Variants in CARD6 observed in about 807,000 individuals in gnomAD.
CARD6 encodes the protein caspase recruitment domain family member 6.
A neutral mutation model predicts 23.6 loss-of-function variants in CARD6; 27 were observed. The ratio of observed to expected loss-of-function variants is 1.14; its 90% CI spans 0.84 to 1.58. CARD6 has a LOEUF of 1.58. Among genes scored for constraint, CARD6 ranks in the 40% most tolerant of loss-of-function variants. The probability of loss-of-function intolerance (pLI) is 0.00; values close to 1 mark genes in which losing one functional copy is unlikely to be tolerated. For missense variants in CARD6, 1,214 were observed against 1,209.9 expected, an observed-to-expected ratio of 1.00 and a Z score of -0.05; for synonymous variants, 397 against 431.8, an observed-to-expected ratio of 0.92 and a Z score of 1.00.
At chr5:40,845,472 A>G (rs933327112) in intron 2 of CARD6, among the ~76,000 whole-genome samples, 18 of 152,194 alleles carry the variant, frequency 1.2e-4, no homozygotes, top group African/African-American at 4.3e-4. Context: ...TTTGTAAGGG[A>G]CATAATTCAA....
intron 2 of CARD6, among the ~76,000 whole-genome samples, chr5:40,850,706 G>A (rs1363099708): frequency 8.3e-6 from 1 of 119,836 alleles, no homozygotes; most frequent in African/African-American, 3.1e-5. Flanking sequence ...TGGTGACAGA[G>A]TGAGACTCCG....
rs1287963779 is a variant in CARD6 at position 40,852,197 on chromosome 5, G to T, written c.865G>T (p.Val289Phe). Residue 289 changes from valine to phenylalanine, a missense_variant, in exon 3 of 3, where the codon GTC (valine) becomes TTC (phenylalanine). By Grantham distance (50) the Val-to-Phe change is conservative. Transcript: ENST00000254691. ...IEERKKVFKD[V>F]LLCLNMDRSR... ...AGAAAGAAAAAAGGTGTTTAAAGATGTCCTGTTATGTTTGAACATGGATAG... is the reference window on the plus strand; with the variant it reads ...AGAAAGAAAAAAGGTGTTTAAAGATTTCCTGTTATGTTTGAACATGGATAG... 1 of 1,611,066 alleles carries T rather than the reference G, an allele frequency of 6.2e-7. No homozygotes were observed. Among genetic ancestry groups the T allele is most frequent in the African/African-American group, 1.3e-5 (1 of 74,930 alleles).
At position 40,843,294 on chromosome 5, in the gene CARD6, G is replaced by C. The variant is rs1230567324; in HGVS notation, c.426G>C (p.Leu142Phe). The change falls in exon 2 of 3, where the codon TTG becomes TTC. Residue 142 changes from leucine (L) to phenylalanine (F), a missense_variant. Coordinates refer to ENST00000254691, the MANE Select transcript of CARD6 (RefSeq NM_032587.4). ...VFFSEKEHLD[L>F]ETSEFFRDKK... ...TCAGTGAGAAGGAACACTTGGATTT[G>C]GAAACCTCTGAGTTTTTCAGGGACA... The C allele has an allele frequency of 1.9e-6, 3 of 1,613,984 alleles. No homozygotes were observed. The East Asian group carries it at 6.7e-5, about 36-fold the overall frequency.
At chr5:40,845,456 A>T (rs2112169540) in intron 2 of CARD6, among the ~76,000 whole-genome samples, 1 of 152,270 alleles carries the variant, frequency 6.6e-6, no homozygotes, top group South Asian at 2.1e-4. Context: ...ATTTCAACAT[A>T]TGAATTTTGT....
At position 40,852,375 on chromosome 5, in the gene CARD6, A is replaced by G. The variant is rs558509923; in HGVS notation, c.1043A>G (p.Lys348Arg). The change falls in exon 3 of 3, where the codon AAG (lysine) becomes AGG (arginine). Residue 348 changes from lysine to arginine, a missense_variant. Physicochemically the swap from Lys to Arg is conservative, Grantham distance 26. Transcript: ENST00000254691. The stretch of plus-strand genomic sequence containing the variant: ...GCTAGGGATTCAATCCTCAGTCACA[A>G]GGTTCTGGATGAAGATAGCAAGGAG... ...VTARDSILSH[K>R]VLDEDSKEDL... The G allele has an allele frequency of 5.4e-5, 87 of 1,614,130 alleles. No individual in the cohort carries two copies. Among genetic ancestry groups the G allele is most frequent in the Non-Finnish European group, 6.9e-5 (81 of 1,179,996 alleles).
chr5:40,845,806 C>A (rs1579801684), intron 2 of CARD6, among the ~76,000 whole-genome samples: 1 of 151,704 alleles, frequency 6.6e-6, no homozygotes, highest in African/African-American at 2.4e-5. Flanking sequence ...GAACTCCTGG[C>A]CTCAATAATG....
At chr5:40,851,735 G>A (rs1488798272) in intron 2 of CARD6, among the ~76,000 whole-genome samples, 1 of 152,138 alleles carries the variant, frequency 6.6e-6, no homozygotes, top group Non-Finnish European at 1.5e-5. Context: ...AGAATAGCTT[G>A]AACCCAGGAG....
rs751379460 is a variant in CARD6, at chr5:40,853,031, T to A, written c.1699T>A (p.Leu567Met). The A allele has an allele frequency of 3.7e-6, 6 of 1,614,080 alleles. No individual in the cohort carries two copies. In the East Asian group the frequency reaches 1.3e-4, roughly 36 times the overall value. Residue 567 changes from leucine to methionine, a missense_variant, in exon 3 of 3, where the codon TTG becomes ATG. By Grantham distance (15) the Leu-to-Met change is conservative (BLOSUM62 2). Transcript: ENST00000254691. ...TDCLGEKEWD[L>M]LMFLGEAAIE... Reference sequence around the variant, plus strand: ...CTGTTTAGGTGAGAAGGAATGGGACTTGCTAATGTTTTTAGGAGAGGCTGC... The same window carrying A: ...CTGTTTAGGTGAGAAGGAATGGGACATGCTAATGTTTTTAGGAGAGGCTGC...
chr5:40,841,808 A>G (rs1579799118), intron 1 of CARD6, 143 bp downstream of exon 1: 4 of 710,942 alleles, frequency 5.6e-6, no homozygotes, highest in African/African-American at 1.8e-5. Flanking sequence ...TGAAATAGGG[A>G]AAAACTGGAA....
intron 2 of CARD6, among the ~76,000 whole-genome samples, chr5:40,851,944 T>C (rs1332629834): frequency 1.3e-5 from 2 of 149,716 alleles, no homozygotes; most frequent in Non-Finnish European, 3.0e-5. Context: ...CTGGGCAACA[T>C]AGAAAGACCC....
chr5:40,841,569 T>C lies in CARD6; in HGVS notation c.187T>C (p.Leu63=), dbSNP rs1053464852. 16 of 1,614,076 alleles carry C rather than the reference T, an allele frequency of 9.9e-6. No homozygotes were observed. Among genetic ancestry groups the C allele is most frequent in the Admixed American group, 1.7e-5 (1 of 60,012 alleles). Residue 63 remains leucine (L), a synonymous_variant, in exon 1 of 3, where the codon TTG becomes CTG. Coordinates refer to ENST00000254691, the MANE Select transcript of CARD6 (RefSeq NM_032587.4). ...LLKKSRKLLI[L]VQKKGEATCQ... is the part of the protein sequence containing the mutation. ...GAAGAAAAGTCGGAAGCTGTTAATT[T>C]TGGTACAGAAAAAGGGAGAGGCGAC...
At chr5:40,842,778 C>T (rs1745884550) in intron 1 of CARD6, among the ~76,000 whole-genome samples, 1 of 152,188 alleles carries the variant, frequency 6.6e-6, no homozygotes, top group Non-Finnish European at 1.5e-5. Context: ...TGGCTCACAC[C>T]TGTAATCCCA....
At chr5:40,841,705 G>C (rs1028753642) in intron 1 of CARD6, 40 bp downstream of exon 1, 7 of 1,423,220 alleles carry the variant, frequency 4.9e-6, no homozygotes, top group Non-Finnish European at 6.5e-6. Flanking sequence ...GAGAGGAAGG[G>C]GGCAGACTTT....
At chr5:40,850,872 G>T (rs1341025522) in intron 2 of CARD6, among the ~76,000 whole-genome samples, 2 of 151,682 alleles carry the variant, frequency 1.3e-5, no homozygotes, top group African/African-American at 4.8e-5. Flanking sequence ...TCATCCATAG[G>T]CAATTGTTAA....
At chr5:40,850,336 C>A (rs1746040845) in intron 2 of CARD6, among the ~76,000 whole-genome samples, 1 of 145,378 alleles carries the variant, frequency 6.9e-6, no homozygotes, top group Non-Finnish European at 1.5e-5. Flanking sequence ...ATCGCTTGAA[C>A]CCAGGAGGTG....
Position 40,852,614 on chromosome 5 carries a change from G to C in CARD6, c.1282G>C (p.Val428Leu), listed in dbSNP as rs766607266. 6.2e-7 allele frequency: 1 copy of C among 1,614,172 alleles called. No individual in the cohort carries two copies. Among genetic ancestry groups the C allele is most frequent in the South Asian group, 1.1e-5 (1 of 91,086 alleles). Residue 428 changes from valine to leucine, a missense_variant, in exon 3 of 3, where the codon GTG (valine) becomes CTG (leucine). Physicochemically the swap from Val to Leu is conservative, Grantham distance 32 (BLOSUM62 1). Coordinates refer to ENST00000254691, the MANE Select transcript of CARD6 (RefSeq NM_032587.4). ...AATGCTGGGGGCCATGAAAGACATT[G>C]TGAAGAAGCAGTCAACACAGTTTTC... ...ILMLGAMKDIVKKQSTQFSGG... is the reference protein window; with the variant it reads ...ILMLGAMKDILKKQSTQFSGG...
intron 2 of CARD6, among the ~76,000 whole-genome samples, chr5:40,844,201 T>C (rs1041141210): frequency 6.6e-6 from 1 of 152,198 alleles, no homozygotes; most frequent in East Asian, 1.9e-4. Flanking sequence ...GCCATCTTGA[T>C]GAGAATTATA....
At chr5:40,851,328 C>T (rs745601524) in intron 2 of CARD6, among the ~76,000 whole-genome samples, 70 of 148,264 alleles carry the variant, frequency 4.7e-4, no homozygotes, top group Non-Finnish European at 8.2e-4. Context: ...CAGACTCCAT[C>T]TAAAAAAAAA....
At position 40,854,582 on chromosome 5, in the gene CARD6, A is replaced by C; in HGVS notation, c.*136A>C. 1 of 708,226 alleles carries C rather than the reference A, an allele frequency of 1.4e-6. No homozygotes were observed. The highest frequency in any genetic ancestry group is 2.4e-6 in the Non-Finnish European group (1 of 425,462). 43.9% of individuals were successfully genotyped at this position (708,226 alleles called of 1,614,324 possible). ...AAACAAAGAAAGATATACATGACTG[A>C]ATTGGATATCTTTGTTTGTTTGTTT... On this transcript the variant is annotated 3_prime_UTR_variant, in exon 3 of 3. Coordinates refer to ENST00000254691, the MANE Select transcript of CARD6 (RefSeq NM_032587.4).
Sources: allele counts gnomAD v4.1 joint callset (sites outside exome capture counted in the v4.1 genomes callset), GRCh38; gene constraint gnomAD v4.1.1; transcripts MANE v1.5; gene names NCBI Gene and HGNC (gene_info 2026-07-23, HGNC 2026-07-21).